The following CLDN16 variants were observed in gnomAD, a reference collection of about 807,000 sequenced individuals.
CLDN16 encodes the protein claudin-16.
In CLDN16, 13 loss-of-function variants were observed where a neutral mutation model predicts 24.6. The ratio of observed to expected loss-of-function variants is 0.53; its 90% CI spans 0.34 to 0.84. CLDN16 has a LOEUF of 0.84. Among genes scored for constraint, CLDN16 ranks in the 40% least tolerant of loss-of-function variants. CLDN16 has a pLI of 0.01. For missense variants in CLDN16, 298 were observed against 292.7 expected, an observed-to-expected ratio of 1.02 and a Z score of -0.13; for synonymous variants, 116 against 106.7, an observed-to-expected ratio of 1.09 and a Z score of -0.54.
intron 1 of CLDN16, among the ~76,000 whole-genome samples, chr3:190,344,484 A>G (rs1334255996): frequency 6.6e-6 from 1 of 151,818 alleles, no homozygotes; most frequent in African/African-American, 2.4e-5. Context: ...AATAATGTAT[A>G]TTATATATAA....
chr3:190,292,542 C>T, the CLDN16 span, among the ~76,000 whole-genome samples: 5 of 152,162 alleles, frequency 3.3e-5, no homozygotes, highest in Admixed American at 3.3e-4. Flanking sequence ...ATGTTTGGCT[C>T]CTTATTACTT....
chr3:190,303,414 T>C, the CLDN16 span, among the ~76,000 whole-genome samples: 1 of 152,230 alleles, frequency 6.6e-6, no homozygotes, highest in Non-Finnish European at 1.5e-5. Context: ...CAATGTGTTC[T>C]ATCCCAGGTC....
intron 1 of CLDN16, among the ~76,000 whole-genome samples, chr3:190,393,112 A>G (rs1306552216): frequency 6.6e-6 from 1 of 152,176 alleles, no homozygotes; most frequent in Non-Finnish European, 1.5e-5. Context: ...AATTGACTGC[A>G]TGTGGGGAAG....
At chr3:190,357,092 A>G (rs114780481) in intron 1 of CLDN16, among the ~76,000 whole-genome samples, 168 of 152,056 alleles carry the variant, frequency 1.1e-3, no homozygotes, top group African/African-American at 3.9e-3. Flanking sequence ...AAGGTACTCA[A>G]ATTAATCACA....
chr3:190,327,582 A>G (rs144937627), intron 1 of CLDN16, among the ~76,000 whole-genome samples: 349 of 152,374 alleles, frequency 2.3e-3, no homozygotes, highest in African/African-American at 5.4e-3. Flanking sequence ...GCTAGCAAAA[A>G]GCAGAGTTGG....
At chr3:190,296,548 ATTTTTTT>A in the CLDN16 span, among the ~76,000 whole-genome samples, 2 of 133,708 alleles carry the variant, frequency 1.5e-5, no homozygotes, top group South Asian at 2.4e-4. Flanking sequence ...GTCAGATTTA[ATTTTTTT>A]TTTTTTTTTT....
intron 1 of CLDN16, among the ~76,000 whole-genome samples, chr3:190,353,836 G>A (rs1320989244): frequency 2.0e-5 from 3 of 151,994 alleles, no homozygotes; most frequent in East Asian, 1.9e-4. Flanking sequence ...TCAACTCATG[G>A]TTTCTGTACT....
In CLDN16 at chr3:190,402,455, A is replaced by AGCT; in HGVS notation, c.217+17_217+19dup. On this transcript the variant is annotated intron_variant, in intron 2 of 4. Coordinates refer to ENST00000264734, the MANE Select transcript of CLDN16 (RefSeq NM_006580.4). Reference sequence around the variant, plus strand: ...GAGCATCCCTGTACGTATGCCTTAGAGCTCACTGCTTGCCAGGAAGGGAAA... The same window carrying AGCT: ...GAGCATCCCTGTACGTATGCCTTAGAGCTGCTCACTGCTTGCCAGGAAGGGAAA... 1.3e-6 allele frequency: 2 copies of AGCT among 1,573,984 alleles called. No homozygotes were observed. Among genetic ancestry groups the AGCT allele is most frequent in the Non-Finnish European group, 1.7e-6 (2 of 1,143,546 alleles).
At chr3:190,399,067 A>ATT (rs1416606481) in intron 1 of CLDN16, among the ~76,000 whole-genome samples, 1 of 152,190 alleles carries the variant, frequency 6.6e-6, no homozygotes, top group Admixed American at 6.5e-5. Flanking sequence ...ACTTAAACCT[A>ATT]AGGAGGAGCA....
chr3:190,327,032 AT>A (rs1228685361), intron 1 of CLDN16, among the ~76,000 whole-genome samples: 1 of 152,074 alleles, frequency 6.6e-6, no homozygotes, highest in Non-Finnish European at 1.5e-5. Context: ...ACATGTGTGT[AT>A]TTGTGTGTCT....
chr3:190,313,747 G>A, the CLDN16 span, among the ~76,000 whole-genome samples: 1,223 of 152,216 alleles, frequency 8.0e-3, 14 homozygotes, highest in African/African-American at 0.028. Flanking sequence ...TTGTAAAATA[G>A]CACACACAAT....
rs139928951 is a variant in CLDN16, at chr3:190,403,503, G to C, written c.217+1064G>C. On this transcript the variant is annotated intron_variant, in intron 2 of 4. Transcript: ENST00000264734. ...CATCGAACCCTGCTAAGAAACATCTGTTCTGTTATGAAAGCAAAGTGGTTT... is the reference window on the plus strand; with the variant it reads ...CATCGAACCCTGCTAAGAAACATCTCTTCTGTTATGAAAGCAAAGTGGTTT... Among the ~76,000 whole-genome samples, 732 of 152,236 alleles carry C rather than the reference G, an allele frequency of 4.8e-3. 6 individuals are homozygous for C. Among genetic ancestry groups the C allele is most frequent in the African/African-American group, 0.017 (698 of 41,546 alleles).
intron 3 of CLDN16, among the ~76,000 whole-genome samples, chr3:190,382,392 C>T (rs879677156): frequency 2.6e-5 from 4 of 152,072 alleles, no homozygotes; most frequent in Non-Finnish European, 5.9e-5. Context: ...TGAGGTTTGG[C>T]TTAAGTAAAA....
At chr3:190,292,287 G>A in the CLDN16 span, among the ~76,000 whole-genome samples, 13 of 152,298 alleles carry the variant, frequency 8.5e-5, no homozygotes, top group African/African-American at 2.4e-4. Flanking sequence ...ACAACAGCAC[G>A]TGAAAGTCAC....
At chr3:190,322,168 G>C (rs562249571), upstream of CLDN16, 23 of 1,614,140 alleles carry the variant, frequency 1.4e-5, no homozygotes, top group South Asian at 2.3e-4. Context: ...CCAGGAAGGC[G>C]AGAATGAAGC....
At chr3:190,406,237 C>G (rs1373029637) in intron 3 of CLDN16, among the ~76,000 whole-genome samples, 1 of 152,186 alleles carries the variant, frequency 6.6e-6, no homozygotes, top group Non-Finnish European at 1.5e-5. Context: ...AATGTTAAGT[C>G]AACGTCCTAA....
chr3:190,402,243 T>G (rs1032667602), intron 1 of CLDN16, 94 bp from the exon 2 acceptor site: 113 of 904,056 alleles, frequency 1.2e-4, no homozygotes, highest in Non-Finnish European at 1.8e-4. Context: ...CTTACTTTGC[T>G]ATCAAACACA....
At chr3:190,402,877 G>T (rs1051638311) in intron 2 of CLDN16, among the ~76,000 whole-genome samples, 1 of 152,136 alleles carries the variant, frequency 6.6e-6, no homozygotes, top group African/African-American at 2.4e-5. Flanking sequence ...TTGAAGGTTA[G>T]CTAAGAAAGA....
At chr3:190,299,277 TTTCCATTTGA>T in the CLDN16 span, among the ~76,000 whole-genome samples, 1 of 152,166 alleles carries the variant, frequency 6.6e-6, no homozygotes, top group Admixed American at 6.5e-5. Flanking sequence ...TTAGCTTTTT[TTTCCATTTGA>T]TTGTATTTGT....
Sources: gnomAD v4.1 joint callset for allele counts (sites outside exome capture counted in the v4.1 genomes callset) on GRCh38, gnomAD v4.1.1 for gene constraint, MANE v1.5 for transcripts, NCBI Gene and HGNC (gene_info 2026-07-23, HGNC 2026-07-21) for gene names.